The following PCDHA13 variants were observed in gnomAD, a reference collection of about 807,000 sequenced individuals.
PCDHA13 encodes protocadherin alpha 13.
In PCDHA13, 54 loss-of-function variants were observed where a neutral mutation model predicts 64.8. That is an observed-to-expected ratio of 0.83 (90% CI 0.67 to 1.04). The LOEUF (loss-of-function observed/expected upper bound fraction) is 1.04, where lower values mean the gene tolerates loss of function less well. Among genes scored for constraint, PCDHA13 ranks in the 50% least tolerant of loss-of-function variants. The pLI is 0.00. For missense variants in PCDHA13, 1,248 were observed against 1,254.3 expected, an observed-to-expected ratio of 0.99 and a Z score of 0.08; for synonymous variants, 587 against 564.4, an observed-to-expected ratio of 1.04 and a Z score of -0.57.
chr5:140,966,022 T>G (rs2095958244), intron 1 of PCDHA13, among the ~76,000 whole-genome samples: 1 of 151,842 alleles, frequency 6.6e-6, no homozygotes, highest in South Asian at 2.1e-4. Flanking sequence ...GATGTGGGAG[T>G]CAGGTGAATA....
intron 3 of PCDHA13, among the ~76,000 whole-genome samples, chr5:140,998,786 A>G (rs1210415944): frequency 1.3e-5 from 2 of 152,026 alleles, no homozygotes; most frequent in African/African-American, 4.8e-5. Flanking sequence ...CTGGTCTGGA[A>G]CCCCTGACCT....
At chr5:140,969,161 G>A (rs782498682) in intron 1 of PCDHA13, 1 of 1,614,156 alleles carries the variant, frequency 6.2e-7, no homozygotes, top group South Asian at 1.1e-5. Context: ...CTGTCTGACA[G>A]CAGGCTCAGG....
chr5:141,000,279 G>A (rs528257063), intron 3 of PCDHA13, among the ~76,000 whole-genome samples: 60 of 151,092 alleles, frequency 4.0e-4, no homozygotes, highest in Middle Eastern at 3.4e-3. Context: ...GGAGGCAGAG[G>A]TGGGAATATT....
intron 3 of PCDHA13, among the ~76,000 whole-genome samples, chr5:140,984,867 TA>T (rs1251384308): frequency 6.6e-6 from 1 of 152,180 alleles, no homozygotes; most frequent in Non-Finnish European, 1.5e-5. Context: ...ACACCTATTT[TA>T]TTGAGTTACC....
intron 3 of PCDHA13, among the ~76,000 whole-genome samples, chr5:141,000,385 C>A (rs868983393): frequency 3.1e-5 from 2 of 64,984 alleles, no homozygotes; most frequent in South Asian, 5.2e-4. Flanking sequence ...CTCTCTCTCT[C>A]TCTCTCTCTC....
At chr5:141,005,689 G>A (rs980293858) in intron 3 of PCDHA13, among the ~76,000 whole-genome samples, 12 of 95,950 alleles carry the variant, frequency 1.3e-4, no homozygotes, top group African/African-American at 4.3e-4. Context: ...GCGACAGAGC[G>A]AAACTCCGTC....
chr5:140,883,222 A>T lies in PCDHA13; in HGVS notation c.954A>T (p.Ile318=), dbSNP rs1164969110. The part of the protein sequence containing the change: ...LDFEEKKLYE[I]SVEAVDKGNI... ...TCGAAGAAAAGAAATTATATGAAATATCCGTGGAGGCAGTTGACAAAGGAA... is the reference window on the plus strand; with the variant it reads ...TCGAAGAAAAGAAATTATATGAAATTTCCGTGGAGGCAGTTGACAAAGGAA... Residue 318 remains isoleucine, a synonymous_variant, in exon 1 of 4, where the codon ATA becomes ATT. Transcript: ENST00000289272. 8.7e-6 allele frequency: 14 copies of T among 1,613,970 alleles called. No homozygotes were observed. The African/African-American group carries it at 1.7e-4, about 20-fold the overall frequency.
intron 1 of PCDHA13, among the ~76,000 whole-genome samples, chr5:140,953,052 C>T (rs2094839858): frequency 6.6e-6 from 1 of 152,206 alleles, no homozygotes; most frequent in Non-Finnish European, 1.5e-5. Flanking sequence ...ATCCAATCAC[C>T]TCTCACAGGC....
chr5:140,964,857 CAA>C (rs1352009406), intron 1 of PCDHA13, among the ~76,000 whole-genome samples: 5 of 152,088 alleles, frequency 3.3e-5, no homozygotes, highest in Admixed American at 3.3e-4. Context: ...CTTGAGGAAA[CAA>C]AGAGGACAAA....
At position 140,997,829 on chromosome 5, in the gene PCDHA13, C is replaced by G. The variant is rs1294994549; in HGVS notation, c.2543-11798C>G. On this transcript the variant is annotated intron_variant, in intron 3 of 3. Transcript: ENST00000289272. ...GCTGTTGGTATCTATGTTTTCTAAA[C>G]AATACAATATACATTCTTATACATA... 2.0e-5 allele frequency among the ~76,000 whole-genome samples: 3 copies of G among 152,190 alleles called. No homozygotes were observed. The East Asian group carries it at 5.8e-4, about 29-fold the overall frequency.
At chr5:140,980,307 TA>T (rs1554241617) in intron 2 of PCDHA13, among the ~76,000 whole-genome samples, 2 of 152,140 alleles carry the variant, frequency 1.3e-5, no homozygotes, top group African/African-American at 4.8e-5. Context: ...AGTTGTGCCT[TA>T]AAAACTACAT....
chr5:140,968,099 G>A, intron 1 of PCDHA13: 3 of 1,614,100 alleles, frequency 1.9e-6, no homozygotes, highest in South Asian at 1.1e-5. Flanking sequence ...CACAGATGGG[G>A]GAATACCGCA....
Position 140,968,974 on chromosome 5 carries a change from G to A in PCDHA13, c.2395-9975G>A, listed in dbSNP as rs17119326. 3.9e-3 allele frequency: 6,227 copies of A among 1,614,174 alleles called. 151 individuals carry two copies. The African/African-American group carries it at 0.06, about 16-fold the overall frequency. On this transcript the variant is annotated intron_variant, in intron 1 of 3. Coordinates refer to ENST00000289272, the MANE Select transcript of PCDHA13 (RefSeq NM_018904.3). Reference sequence around the variant, plus strand: ...TCATCAAGTGCTACCGCTACACTGCGTATGGCACTGCATGCTGTGGAGGCT... The same window carrying A: ...TCATCAAGTGCTACCGCTACACTGCATATGGCACTGCATGCTGTGGAGGCT...
chr5:140,993,617 C>A (rs1299213362), intron 3 of PCDHA13, among the ~76,000 whole-genome samples: 3 of 152,034 alleles, frequency 2.0e-5, no homozygotes, highest in Non-Finnish European at 4.4e-5. Context: ...TGTTGGGACC[C>A]TCTATATATA....
chr5:140,921,925 G>A (rs895157006), intron 1 of PCDHA13, among the ~76,000 whole-genome samples: 2 of 151,816 alleles, frequency 1.3e-5, no homozygotes, highest in African/African-American at 4.8e-5. Flanking sequence ...AAAACTTATA[G>A]TCAATATAAT....
At chr5:140,956,132 C>A (rs782171826) in intron 1 of PCDHA13, among the ~76,000 whole-genome samples, 1 of 152,028 alleles carries the variant, frequency 6.6e-6, no homozygotes, top group African/African-American at 2.4e-5. Context: ...ATTTGAATAC[C>A]CTTTATTTCT....
intron 1 of PCDHA13, among the ~76,000 whole-genome samples, chr5:140,961,895 T>A (rs1453853880): frequency 6.6e-6 from 1 of 152,012 alleles, no homozygotes; most frequent in Non-Finnish European, 1.5e-5. Flanking sequence ...CAGTTTTTTT[T>A]TTTTTTGAGA....
At chr5:140,892,083 C>T (rs1019565386) in intron 1 of PCDHA13, among the ~76,000 whole-genome samples, 5 of 152,144 alleles carry the variant, frequency 3.3e-5, no homozygotes, top group African/African-American at 1.2e-4. Context: ...TTTCTAGTTT[C>T]CTCTCGAAAC....
Position 140,884,510 on chromosome 5 carries a change from T to C in PCDHA13, c.2242T>C (p.Trp748Arg). 3.1e-6 allele frequency: 5 copies of C among 1,613,982 alleles called. No homozygotes were observed. The highest frequency in any genetic ancestry group is 3.4e-6 in the Non-Finnish European group (4 of 1,179,984). Residue 748 changes from tryptophan (W) to arginine (R), a missense_variant, in exon 1 of 4, where the codon TGG becomes CGG. Physicochemically the swap from Trp to Arg is moderately radical, Grantham distance 101. Coordinates refer to ENST00000289272, the MANE Select transcript of PCDHA13 (RefSeq NM_018904.3). ...TLVCSSAAGS[W>R]SYSQQRRPRV... Reference sequence around the variant, plus strand: ...AGTGTGCTCCAGCGCGGCAGGGAGTTGGTCGTACTCGCAGCAGAGGCGGCC... The same window carrying C: ...AGTGTGCTCCAGCGCGGCAGGGAGTCGGTCGTACTCGCAGCAGAGGCGGCC...
Sources: gnomAD v4.1 joint callset for allele counts (sites outside exome capture counted in the v4.1 genomes callset) on GRCh38, gnomAD v4.1.1 for gene constraint, MANE v1.5 for transcripts, NCBI Gene and HGNC (gene_info 2026-07-23, HGNC 2026-07-21) for gene names.